Variants in CHMP4C observed in about 807,000 individuals in gnomAD.
CHMP4C encodes SNF7 homolog associated with Alix 3.
Under a neutral mutation model 29.0 loss-of-function variants are expected in CHMP4C, and 28 were observed. The observed-to-expected ratio is 0.97, with a 90% confidence interval of 0.72 to 1.32. The LOEUF (loss-of-function observed/expected upper bound fraction) is 1.32. Ranked by LOEUF, CHMP4C falls within the 40% of genes most tolerant of loss-of-function variation. The pLI is 0.00. For missense variants in CHMP4C, 291 were observed against 281.0 expected (o/e 1.04, Z -0.25); for synonymous variants, 106 against 102.4 (o/e 1.04, Z -0.21).
intron 1 of CHMP4C, among the ~76,000 whole-genome samples, chr8:81,744,994 C>A (rs1808804630): frequency 6.6e-6 from 1 of 152,162 alleles, no homozygotes; most frequent in African/African-American, 2.4e-5. Context: ...TCAATCTAAC[C>A]TGTGACATTG....
Position 81,758,805 on chromosome 8 carries a change from A to G in CHMP4C, c.*261A>G. 2.7e-6 allele frequency: 1 copy of G among 364,588 alleles called. No homozygotes were observed. Among genetic ancestry groups the G allele is most frequent in the South Asian group, 4.7e-5 (1 of 21,308 alleles). The allele number at this position is 364,588 out of a possible 1,614,324, so 22.6% of individuals were successfully genotyped here. A position where few individuals can be genotyped will look rare whatever the true frequency, so the allele number is the denominator to read the frequency against. ...CAGTTGAGACCAGGAGTTCGAGTCC[A>G]GCCTGACCAACATGAAGAAACCCTG... On this transcript the variant is annotated 3_prime_UTR_variant, in exon 5 of 5. Transcript: ENST00000297265.
chr8:81,738,075 G>A (rs1222761401), intron 1 of CHMP4C, among the ~76,000 whole-genome samples: 2 of 152,210 alleles, frequency 1.3e-5, no homozygotes, highest in African/African-American at 4.8e-5. Flanking sequence ...CTAGGACACA[G>A]TTGTGTGACC....
intron 3 of CHMP4C, among the ~76,000 whole-genome samples, chr8:81,755,792 C>T (rs1177059655): frequency 6.6e-6 from 1 of 152,144 alleles, no homozygotes; most frequent in Non-Finnish European, 1.5e-5. Flanking sequence ...AGTGCTTGCA[C>T]ATCTGGGCAA....
At chr8:81,751,032 G>A (rs1306213511) in intron 1 of CHMP4C, among the ~76,000 whole-genome samples, 1 of 152,078 alleles carries the variant, frequency 6.6e-6, no homozygotes, top group African/African-American at 2.4e-5. Flanking sequence ...TAAAAAGTTA[G>A]CTATTAAAAG....
At chr8:81,736,885 A>G (rs73694768) in intron 1 of CHMP4C, among the ~76,000 whole-genome samples, 2,582 of 152,312 alleles carry the variant, frequency 0.017, 76 homozygotes, top group African/African-American at 0.057. Flanking sequence ...ATTACTACTC[A>G]TAGTACAGGG....
chr8:81,751,492 G>A (rs1214585705), intron 1 of CHMP4C, among the ~76,000 whole-genome samples: 4 of 152,062 alleles, frequency 2.6e-5, no homozygotes, highest in African/African-American at 9.7e-5. Context: ...TATAGATACT[G>A]ATTAATTTCC....
intron 1 of CHMP4C, among the ~76,000 whole-genome samples, chr8:81,735,444 TGTC>T (rs1808677472): frequency 6.6e-6 from 1 of 152,224 alleles, no homozygotes; most frequent in Non-Finnish European, 1.5e-5. Flanking sequence ...CATAGTTAAC[TGTC>T]TTCTATTAGC....
intron 1 of CHMP4C, among the ~76,000 whole-genome samples, chr8:81,751,397 C>T (rs929819908): frequency 3.3e-5 from 5 of 152,066 alleles, no homozygotes; most frequent in African/African-American, 1.2e-4. Flanking sequence ...TATGAATCAT[C>T]AGGAACTAAT....
chr8:81,756,715 A>G (rs1332471510), intron 3 of CHMP4C, among the ~76,000 whole-genome samples: 1 of 152,142 alleles, frequency 6.6e-6, no homozygotes, highest in East Asian at 1.9e-4. Context: ...GCTAAAGAAA[A>G]CATTAATATG....
intron 1 of CHMP4C, among the ~76,000 whole-genome samples, chr8:81,737,174 AT>A (rs1347180988): frequency 1.3e-5 from 2 of 152,098 alleles, no homozygotes; most frequent in East Asian, 3.9e-4. Flanking sequence ...ATATTATTTA[AT>A]TTTTTGTTCT....
At chr8:81,748,662 G>A (rs912388097) in intron 1 of CHMP4C, among the ~76,000 whole-genome samples, 1 of 152,066 alleles carries the variant, frequency 6.6e-6, no homozygotes, top group Non-Finnish European at 1.5e-5. Context: ...TTAGGGCTGG[G>A]TGTGATGGCT....
chr8:81,746,848 C>G (rs1025807402), intron 1 of CHMP4C, among the ~76,000 whole-genome samples: 2 of 152,182 alleles, frequency 1.3e-5, no homozygotes, highest in Non-Finnish European at 2.9e-5. Context: ...ATGAGAGTCC[C>G]ACCATGTGGT....
intron 1 of CHMP4C, among the ~76,000 whole-genome samples, chr8:81,751,336 C>G (rs1410811840): frequency 6.7e-6 from 1 of 149,742 alleles, no homozygotes; most frequent in Non-Finnish European, 1.5e-5. Flanking sequence ...AAGCTTAGGG[C>G]AATTGTTAAG....
At chr8:81,740,209 G>A (rs952775209) in intron 1 of CHMP4C, among the ~76,000 whole-genome samples, 17 of 152,182 alleles carry the variant, frequency 1.1e-4, no homozygotes, top group South Asian at 6.2e-4. Flanking sequence ...TGTTTCATCC[G>A]CTGAGGCGGC....
intron 1 of CHMP4C, among the ~76,000 whole-genome samples, chr8:81,746,197 A>G (rs1347043847): frequency 1.3e-5 from 2 of 152,226 alleles, no homozygotes; most frequent in South Asian, 2.1e-4. Flanking sequence ...AATGTCAGGT[A>G]TCCTAGGACC....
At chr8:81,748,312 A>G (rs1808855571) in intron 1 of CHMP4C, among the ~76,000 whole-genome samples, 1 of 152,208 alleles carries the variant, frequency 6.6e-6, no homozygotes, top group Non-Finnish European at 1.5e-5. Context: ...AATATCACAT[A>G]GTCCTGAGGC....
chr8:81,739,909 C>G (rs1440793389), intron 1 of CHMP4C, among the ~76,000 whole-genome samples: 1 of 152,174 alleles, frequency 6.6e-6, no homozygotes, highest in African/African-American at 2.4e-5. Flanking sequence ...AAATTATTCC[C>G]CACACTCCCG....
chr8:81,747,277 T>C (rs1326248770), intron 1 of CHMP4C, among the ~76,000 whole-genome samples: 1 of 152,062 alleles, frequency 6.6e-6, no homozygotes. Context: ...TTTCAGAAAG[T>C]TATCTAAAAT....
In CHMP4C at chr8:81,753,066, G is replaced by A. The variant is rs199634702; in HGVS notation, c.193G>A (p.Ala65Thr). Residue 65 changes from alanine to threonine, a missense_variant and splice_region_variant, in exon 2 of 5, where the codon GCA becomes ACA. Ala to Thr is a moderately conservative substitution (Grantham distance 58). Transcript: ENST00000297265. The stretch of plus-strand genomic sequence containing the variant: ...AATGTGGCTTCTCTCTTATTTAGCT[G>A]CATTACAGGCACTAAAGAGAAAGAA... ...KKHGTQNKRA[A>T]LQALKRKKRF... 1.0e-4 allele frequency: 160 copies of A among 1,603,884 alleles called. No homozygotes were observed. The African/African-American group carries it at 2.0e-3, about 20-fold the overall frequency.
Sources: gnomAD v4.1 joint callset for allele counts (sites outside exome capture counted in the v4.1 genomes callset) on GRCh38, gnomAD v4.1.1 for gene constraint, MANE v1.5 for transcripts, NCBI Gene and HGNC (gene_info 2026-07-23, HGNC 2026-07-21) for gene names.